The following SOX5 variants were observed in gnomAD, a reference collection of about 807,000 sequenced individuals.
The protein encoded by SOX5 is transcription factor SOX-5.
SOX5 carries 9 observed loss-of-function variants against 92.0 expected under a neutral mutation model. The ratio of observed to expected loss-of-function variants is 0.10; its 90% confidence interval spans 0.06 to 0.17. SOX5 has a LOEUF of 0.17. Ranked by LOEUF, SOX5 falls within the 10% of genes least tolerant of loss-of-function variation. The pLI, the probability that SOX5 is intolerant of heterozygous loss-of-function variation, is 1.00. For synonymous variants in SOX5, 344 were observed against 336.3 expected (o/e 1.02, Z -0.25); for missense variants, 642 against 944.5 (o/e 0.68, Z 4.20).
Position 23,575,889 on chromosome 12 carries a change from A to T in SOX5, c.1165-51T>A, listed in dbSNP as rs375745026. 414 of 1,441,078 alleles carry T rather than the reference A, an allele frequency of 2.9e-4. No individual in the cohort carries two copies. In the Middle Eastern group the frequency reaches 6.5e-3, roughly 23 times the overall value. The allele number at this position is 1,441,078 out of a possible 1,614,324, so 89.3% of individuals were successfully genotyped here. A position where few individuals can be genotyped will look rare whatever the true frequency, so the allele number is the denominator to read the frequency against. ...TGTGATAAGGAAAGGCTGATAAAAA[A>T]TGCCTAGAAAAACACAGGTATGCAG... On this transcript the variant is annotated intron_variant, in intron 9 of 14. Coordinates refer to ENST00000451604, the MANE Select transcript of SOX5 (RefSeq NM_006940.6).
At chr12:23,656,638 T>C (rs1425369480) in intron 7 of SOX5, among the ~76,000 whole-genome samples, 1 of 152,102 alleles carries the variant, frequency 6.6e-6, no homozygotes, top group African/African-American at 2.4e-5. Flanking sequence ...GTCATCTATG[T>C]AGCATATATC....
chr12:23,938,833 A>G (rs1943097321), intron 1 of SOX5, among the ~76,000 whole-genome samples: 1 of 151,070 alleles, frequency 6.6e-6, no homozygotes, highest in Admixed American at 6.6e-5. Flanking sequence ...TAAAACAATT[A>G]TATTAACTAC....
At chr12:24,216,898 G>C (rs1479504819) in intron 3 of SOX5, among the ~76,000 whole-genome samples, 3 of 152,116 alleles carry the variant, frequency 2.0e-5, no homozygotes, top group Non-Finnish European at 1.5e-5. Flanking sequence ...ACTGCACTCC[G>C]GCCTGAGCAA....
intron 2 of SOX5, among the ~76,000 whole-genome samples, chr12:24,310,898 A>G (rs1949098129): frequency 6.6e-6 from 1 of 152,064 alleles, no homozygotes; most frequent in Admixed American, 6.6e-5. Context: ...TCCATATTTT[A>G]AAATGATTCT....
intron 3 of SOX5, among the ~76,000 whole-genome samples, chr12:24,224,010 T>C (rs1201916580): frequency 6.6e-6 from 1 of 152,016 alleles, no homozygotes; most frequent in African/African-American, 2.4e-5. Flanking sequence ...TGAACTAAAG[T>C]GGAAAGGAAA....
intron 2 of SOX5, among the ~76,000 whole-genome samples, chr12:23,892,816 A>C (rs1331209251): frequency 1.3e-5 from 2 of 152,214 alleles, no homozygotes; most frequent in Admixed American, 6.5e-5. Flanking sequence ...TTACAGATCT[A>C]CTTAAGAATC....
chr12:24,163,932 T>G (rs1264001604), intron 4 of SOX5, among the ~76,000 whole-genome samples: 1 of 152,006 alleles, frequency 6.6e-6, no homozygotes, highest in Non-Finnish European at 1.5e-5. Context: ...AAGGCAGACA[T>G]CATTCAAATA....
At position 24,421,216 on chromosome 12, in the gene SOX5, C is replaced by T. The variant is rs369191708; in HGVS notation, c.-250-52577G>A. Among the ~76,000 whole-genome samples the T allele has an allele frequency of 5.9e-5, 9 of 152,242 alleles. No individual in the cohort carries two copies. The South Asian group carries it at 8.3e-4, about 14-fold the overall frequency. On this transcript the variant is annotated intron_variant, in intron 1 of 4. Coordinates refer to the SOX5 transcript ENST00000446891. Reference sequence around the variant, plus strand: ...ATGGAGAGGCTTCTGGGATTGTTCACGCCTTCTACTTCTTGACCTGGGTGG... The same window carrying T: ...ATGGAGAGGCTTCTGGGATTGTTCATGCCTTCTACTTCTTGACCTGGGTGG...
intron 2 of SOX5, among the ~76,000 whole-genome samples, chr12:24,301,719 G>A (rs1295198097): frequency 6.6e-6 from 1 of 152,146 alleles, no homozygotes; most frequent in East Asian, 1.9e-4. Flanking sequence ...CAGCATGAGT[G>A]CGCACACGTA....
intron 1 of SOX5, among the ~76,000 whole-genome samples, chr12:24,481,545 T>G (rs1418726447): frequency 6.6e-6 from 1 of 152,144 alleles, no homozygotes; most frequent in African/African-American, 2.4e-5. Context: ...TAAATATATA[T>G]ACTTACTAGG....
chr12:23,757,665 G>A (rs1418874821), intron 3 of SOX5, among the ~76,000 whole-genome samples: 1 of 151,888 alleles, frequency 6.6e-6, no homozygotes, highest in Non-Finnish European at 1.5e-5. Context: ...GTCATTAAAA[G>A]CTAACAAACC....
Position 23,669,779 on chromosome 12 carries a change from T to C in SOX5, c.811-4215A>G, listed in dbSNP as rs148699181. On this transcript the variant is annotated intron_variant, in intron 6 of 14. Coordinates refer to ENST00000451604, the MANE Select transcript of SOX5 (RefSeq NM_006940.6). The stretch of plus-strand genomic sequence containing the variant: ...GCATCAAACAACTAAAAATTCAGAG[T>C]AGAAGTGATAATTTTCATGCAAAAG... 2.6e-3 allele frequency among the ~76,000 whole-genome samples: 396 copies of C among 151,914 alleles called. 1 individual carries two copies. Among genetic ancestry groups the C allele is most frequent in the Middle Eastern group, 0.014 (4 of 292 alleles).
intron 1 of SOX5, among the ~76,000 whole-genome samples, chr12:23,929,903 C>G (rs373368149): frequency 3.1e-4 from 47 of 151,982 alleles, no homozygotes; most frequent in Middle Eastern, 3.4e-3. Flanking sequence ...ACAGTTTAAT[C>G]AAATTAAATC....
intron 4 of SOX5, among the ~76,000 whole-genome samples, chr12:24,040,700 A>T (rs535398313): frequency 5.6e-4 from 85 of 152,084 alleles, no homozygotes; most frequent in Non-Finnish European, 9.7e-4. Flanking sequence ...GTGAAACCCC[A>T]TCTCTACTGA....
At chr12:24,010,386 A>C (rs1212350347) in intron 4 of SOX5, among the ~76,000 whole-genome samples, 1 of 152,218 alleles carries the variant, frequency 6.6e-6, no homozygotes, top group Non-Finnish European at 1.5e-5. Flanking sequence ...AGAAATTTGA[A>C]AAGGAAGTAA....
At chr12:24,546,957 G>A (rs1952680417) in intron 1 of SOX5, among the ~76,000 whole-genome samples, 2 of 152,084 alleles carry the variant, frequency 1.3e-5, no homozygotes, top group Admixed American at 6.5e-5. Flanking sequence ...AACAAAATAA[G>A]TTGTATTTAA....
chr12:23,946,555 C>T (rs976223291), intron 1 of SOX5, among the ~76,000 whole-genome samples: 22 of 151,928 alleles, frequency 1.4e-4, no homozygotes, highest in African/African-American at 5.1e-4. Flanking sequence ...AAGTAGGTGA[C>T]ATTCTCAAAG....
chr12:24,553,131 T>C (rs1169727825), intron 1 of SOX5, among the ~76,000 whole-genome samples: 1 of 152,190 alleles, frequency 6.6e-6, no homozygotes, highest in Non-Finnish European at 1.5e-5. Context: ...AACTGTCTCG[T>C]GATAGCCAGG....
chr12:23,771,120 C>CTT (rs1350191953), intron 3 of SOX5, among the ~76,000 whole-genome samples: 2 of 145,402 alleles, frequency 1.4e-5, no homozygotes, highest in African/African-American at 5.1e-5. Context: ...AGTTTCAATT[C>CTT]TTATCTAGAA....
Sources: allele counts gnomAD v4.1 joint callset (sites outside exome capture counted in the v4.1 genomes callset), GRCh38; gene constraint gnomAD v4.1.1; transcripts MANE v1.5; gene names NCBI Gene and HGNC (gene_info 2026-07-23, HGNC 2026-07-21).